MYO9B: variants seen among roughly 807,000 people sequenced by gnomAD.
The protein encoded by MYO9B is unconventional myosin-IXb.
MYO9B carries 71 observed loss-of-function variants against 229.5 expected under a neutral mutation model. The observed-to-expected ratio is 0.31, with a 90% CI of 0.26 to 0.38. The LOEUF (loss-of-function observed/expected upper bound fraction) is 0.38. Among genes scored for constraint, MYO9B ranks in the 10% least tolerant of loss-of-function variants. The probability of loss-of-function intolerance (pLI) is 1.00; values close to 1 mark genes in which losing one functional copy is unlikely to be tolerated. For missense variants in MYO9B, 2,255 were observed against 2,920.5 expected (o/e 0.77, Z 5.25); for synonymous variants, 1,185 against 1,235.8 (o/e 0.96, Z 0.86).
At chr19:17,169,434 C>T (rs761768509) in intron 11 of MYO9B, among the ~76,000 whole-genome samples, 1 of 148,300 alleles carries the variant, frequency 6.7e-6, no homozygotes, top group Non-Finnish European at 1.5e-5. Context: ...GCCTGGCCAA[C>T]ATGGCAAAAC....
chr19:17,209,789 T>C lies in MYO9B; in HGVS notation c.5748+80T>C, dbSNP rs576650302. The C allele has an allele frequency of 3.4e-4, 510 of 1,500,810 alleles. 2 individuals are homozygous for C. In the African/African-American group the frequency reaches 6.8e-3, roughly 20 times the overall value. 93.0% of individuals were successfully genotyped at this position (1,500,810 alleles called of 1,614,324 possible). On this transcript the variant is annotated intron_variant, in intron 36 of 39. Transcript: ENST00000682292. ...CTGGGCAGGGCCTTGGGCGTGGCTT[T>C]GTTGCTGGGAAGGCTGGTGAGTGGG...
At position 17,184,966 on chromosome 19, in the gene MYO9B, A is replaced by G; in HGVS notation, c.2475A>G (p.Pro825=). The G allele has an allele frequency of 1.2e-6, 2 of 1,613,928 alleles. No individual in the cohort carries two copies. Among genetic ancestry groups the G allele is most frequent in the African/African-American group, 1.3e-5 (1 of 75,050 alleles). ...LLHLHKKKKP[P]SISAQFQTSL... is the part of the protein sequence containing the mutation. The stretch of plus-strand genomic sequence containing the variant: ...ACCTGCACAAGAAGAAAAAGCCACC[A>G]AGCATCAGCGCCCAGTTCCAGGTAG... The change falls in exon 17 of 40, where the codon CCA becomes CCG. Residue 825 remains proline (P), a synonymous_variant. Transcript: ENST00000682292.
intron 1 of MYO9B, among the ~76,000 whole-genome samples, chr19:17,077,025 G>A (rs1048487374): frequency 2.0e-5 from 3 of 152,142 alleles, no homozygotes; most frequent in African/African-American, 7.2e-5. Context: ...GTGGGAGCCC[G>A]TGGGGACACT....
rs1320837956 is a variant in MYO9B, at chr19:17,202,192, C to T, written c.4725C>T (p.Asn1575=). 4 of 1,613,522 alleles carry T rather than the reference C, an allele frequency of 2.5e-6. No individual in the cohort carries two copies. The highest frequency in any genetic ancestry group is 1.7e-6 in the Non-Finnish European group (2 of 1,179,688). The part of the protein sequence containing the change: ...LMENYQIVVS[N]LATERGQKDT... ...AGAACTACCAGATCGTCGTCAGCAA[C>T]CTGGCCACTGAGCGTGGCCAGAAGG... Residue 1575 remains asparagine, a synonymous_variant, in exon 28 of 40, where the codon AAC becomes AAT. Coordinates refer to ENST00000682292, the MANE Select transcript of MYO9B (RefSeq NM_004145.4).
chr19:17,084,172 C>A (rs777605468), intron 1 of MYO9B, among the ~76,000 whole-genome samples: 4 of 151,724 alleles, frequency 2.6e-5, no homozygotes, highest in Non-Finnish European at 5.9e-5. Context: ...CCCGTCTCTA[C>A]AAAAAAGATA....
At chr19:17,099,750 G>A (rs1242626492) in intron 1 of MYO9B, among the ~76,000 whole-genome samples, 3 of 150,874 alleles carry the variant, frequency 2.0e-5, no homozygotes, top group South Asian at 2.1e-4. Flanking sequence ...CCCGGGAGGC[G>A]GAGCTTGCAG....
chr19:17,195,111 C>T lies in MYO9B; in HGVS notation c.3684C>T (p.Gly1228=). 2 of 1,612,604 alleles carry T rather than the reference C, an allele frequency of 1.2e-6. No homozygotes were observed. Among genetic ancestry groups the T allele is most frequent in the Non-Finnish European group, 1.7e-6 (2 of 1,179,750 alleles). The change falls in exon 22 of 40, where the codon GGC becomes GGT. Residue 1228 remains glycine, a synonymous_variant. Transcript: ENST00000682292. This position sits in a 1 kb window ranked among gnomAD's most constrained non-coding sequence, Gnocchi z 4.5. ...AGCAACCCCAGGCCATGGCAGTTGG[C>T]AAGGTCTCTGAAGAAACTGAGAAGA... ...PTEQPQAMAV[G]KVSEETEKTL...
intron 14 of MYO9B, among the ~76,000 whole-genome samples, chr19:17,179,420 A>ATTT (rs747998068): frequency 3.5e-5 from 3 of 86,688 alleles, no homozygotes; most frequent in Non-Finnish European, 4.2e-5. Context: ...GCCCCAACTG[A>ATTT]TTTTTTTTTT....
chr19:17,129,160 G>A (rs1370355843), intron 2 of MYO9B, among the ~76,000 whole-genome samples: 1 of 152,124 alleles, frequency 6.6e-6, no homozygotes, highest in Non-Finnish European at 1.5e-5. Context: ...GCACTTTTGG[G>A]AGGCTGAGGC....
chr19:17,134,261 C>T (rs1042780179), intron 2 of MYO9B, among the ~76,000 whole-genome samples: 2 of 151,740 alleles, frequency 1.3e-5, no homozygotes, highest in African/African-American at 4.8e-5. Flanking sequence ...AAAAATTCTA[C>T]ACGAGTGAGA....
intron 2 of MYO9B, among the ~76,000 whole-genome samples, chr19:17,135,369 C>A (rs116256150): frequency 0.025 from 3,827 of 152,130 alleles, 141 homozygotes; most frequent in African/African-American, 0.081. Context: ...ATCCGCCTTC[C>A]CGGTGCGTGT....
intron 1 of MYO9B, among the ~76,000 whole-genome samples, chr19:17,076,233 T>G (rs1600003366): frequency 1.1e-4 from 15 of 134,792 alleles, no homozygotes; most frequent in Middle Eastern, 3.7e-3. Flanking sequence ...GCTGGGGGAG[T>G]GGGCAAGGCC....
intron 2 of MYO9B, among the ~76,000 whole-genome samples, chr19:17,134,075 G>C (rs962131882): frequency 1.3e-5 from 2 of 151,866 alleles, no homozygotes; most frequent in African/African-American, 4.8e-5. Flanking sequence ...TTCTACTTCT[G>C]TGAGTTTTTT....
chr19:17,151,790 CGGGAGGTTGA>C (rs1314038602), intron 3 of MYO9B, among the ~76,000 whole-genome samples: 5 of 152,102 alleles, frequency 3.3e-5, no homozygotes, highest in African/African-American at 1.2e-4. Flanking sequence ...CCCAGCCACT[CGGGAGGTTGA>C]GGTGGGAAGA....
chr19:17,143,548 G>T (rs140956217), intron 2 of MYO9B, among the ~76,000 whole-genome samples: 1 of 152,292 alleles, frequency 6.6e-6, no homozygotes, highest in East Asian at 1.9e-4. Flanking sequence ...GAGCTAAATG[G>T]TGAGAACACA....
intron 3 of MYO9B, among the ~76,000 whole-genome samples, chr19:17,151,882 A>G (rs1483215799): frequency 1.3e-5 from 2 of 152,196 alleles, no homozygotes; most frequent in East Asian, 3.8e-4. Flanking sequence ...TGCACAACAG[A>G]GCAAGATCCT....
At chr19:17,114,212 C>G (rs2057877255) in intron 2 of MYO9B, among the ~76,000 whole-genome samples, 2 of 152,200 alleles carry the variant, frequency 1.3e-5, no homozygotes, top group African/African-American at 4.8e-5. Context: ...TGGTCTCTGC[C>G]TAAATATTTG....
intron 22 of MYO9B, among the ~76,000 whole-genome samples, chr19:17,196,714 A>G (rs34413168): frequency 0.53 from 80,315 of 151,348 alleles, 23,147 homozygotes; most frequent in East Asian, 0.76. Flanking sequence ...GATTATGGAT[A>G]GAAGGAAGAT....
chr19:17,094,183 G>A (rs2057667002), intron 1 of MYO9B, among the ~76,000 whole-genome samples: 1 of 152,062 alleles, frequency 6.6e-6, no homozygotes, highest in Non-Finnish European at 1.5e-5. Context: ...TTACAGGCAT[G>A]CGCCACCATG....
Sources: gnomAD v4.1 joint callset for allele counts (sites outside exome capture counted in the v4.1 genomes callset) on GRCh38, gnomAD v4.1.1 for gene constraint, Gnocchi (gnomAD v3.1) non-coding constraint, MANE v1.5 for transcripts, NCBI Gene and HGNC (gene_info 2026-07-23, HGNC 2026-07-21) for gene names.